The following PKHD1 variants were observed in gnomAD, a reference collection of about 807,000 sequenced individuals.
PKHD1 encodes the protein PKHD1 ciliary IPT domain containing fibrocystin/polyductin, also known as fibrocystin.
In PKHD1, 291 loss-of-function variants were observed where a neutral mutation model predicts 412.0. The ratio of observed to expected loss-of-function variants is 0.71; its 90% CI spans 0.64 to 0.78. The LOEUF (loss-of-function observed/expected upper bound fraction) is 0.78. PKHD1 is among the 30% of genes least tolerant of loss of function. PKHD1 has a pLI of 0.00. For synonymous variants in PKHD1, 1,777 were observed against 1,821.5 expected, an observed-to-expected ratio of 0.98 and a Z score of 0.62; for missense variants, 4,825 against 4,950.7, an observed-to-expected ratio of 0.97 and a Z score of 0.76.
At chr6:52,081,950 A>C (rs1288128415) in intron 4 of PKHD1, among the ~76,000 whole-genome samples, 1 of 152,226 alleles carries the variant, frequency 6.6e-6, no homozygotes, top group Non-Finnish European at 1.5e-5. Flanking sequence ...CTGGAGTCTT[A>C]TAAAAATATT....
chr6:51,626,558 C>T (rs1360008850), intron 66 of PKHD1, among the ~76,000 whole-genome samples: 3 of 152,170 alleles, frequency 2.0e-5, no homozygotes, highest in Non-Finnish European at 2.9e-5. Context: ...AACAACAAAG[C>T]ACAGCTTAAC....
At chr6:51,971,598 C>T in intron 35 of PKHD1, among the ~76,000 whole-genome samples, 1 of 152,168 alleles carries the variant, frequency 6.6e-6, no homozygotes, top group East Asian at 1.9e-4. Context: ...CCAATACTTA[C>T]TATCTAGGCT....
In PKHD1 at chr6:52,024,673, C is replaced by G; in HGVS notation, c.5137G>C (p.Glu1713Gln). 6.2e-7 allele frequency: 1 copy of G among 1,614,156 alleles called. No homozygotes were observed. Among genetic ancestry groups the G allele is most frequent in the Non-Finnish European group, 8.5e-7 (1 of 1,179,992 alleles). The change falls in exon 32 of 67, where the codon GAG becomes CAG. Residue 1713 changes from glutamate (E) to glutamine (Q), a missense_variant. Transcript: ENST00000371117. ...CAGTCATAGCCTCTGACGTGGTACT[C>G]CCCGGCCGGAAGGGAAGGGACCACG... ...QCVVPSLPAG[E>Q]YHVRGYDCIR...
chr6:51,863,093 T>G lies in PKHD1; in HGVS notation c.7733+4770A>C, dbSNP rs186079970. 1.8e-3 allele frequency among the ~76,000 whole-genome samples: 276 copies of G among 152,312 alleles called. 3 individuals carry two copies. The highest frequency in any genetic ancestry group is 6.0e-3 in the African/African-American group (248 of 41,578). On this transcript the variant is annotated intron_variant, in intron 48 of 66. Coordinates refer to ENST00000371117, the MANE Select transcript of PKHD1 (RefSeq NM_138694.4). ...TGACCCTGAGGGATAAATACCATTA[T>G]ACCCATTTTAGTGATGAAAGAACTG... is the stretch of plus-strand genomic sequence containing the variant.
At chr6:51,826,669 G>A (rs1767375833) in intron 52 of PKHD1, among the ~76,000 whole-genome samples, 1 of 152,118 alleles carries the variant, frequency 6.6e-6, no homozygotes, top group African/African-American at 2.4e-5. Context: ...CTTACTTGTT[G>A]AAGCAAAGTT....
intron 36 of PKHD1, among the ~76,000 whole-genome samples, chr6:51,947,422 CAGA>C (rs983235080): frequency 1.3e-5 from 2 of 152,180 alleles, no homozygotes; most frequent in African/African-American, 2.4e-5. Context: ...CATAAAAGAA[CAGA>C]AGAATAAACT....
chr6:51,702,339 C>T (rs1779546935), intron 60 of PKHD1, among the ~76,000 whole-genome samples: 1 of 151,168 alleles, frequency 6.6e-6, no homozygotes, highest in Non-Finnish European at 1.5e-5. Context: ...AATGGAAAGC[C>T]AAACATTGTA....
At chr6:51,667,874 C>A (rs1774115763) in intron 60 of PKHD1, among the ~76,000 whole-genome samples, 1 of 151,842 alleles carries the variant, frequency 6.6e-6, no homozygotes, top group African/African-American at 2.4e-5. Flanking sequence ...GGCGTTATTT[C>A]TGAGGGCTCT....
At chr6:51,925,547 T>C (rs1044026434) in intron 37 of PKHD1, among the ~76,000 whole-genome samples, 2 of 152,226 alleles carry the variant, frequency 1.3e-5, no homozygotes, top group African/African-American at 4.8e-5. Flanking sequence ...TTCCTTAATG[T>C]AGATGAGCCT....
At chr6:51,673,544 G>T (rs1288526357) in intron 60 of PKHD1, among the ~76,000 whole-genome samples, 1 of 152,186 alleles carries the variant, frequency 6.6e-6, no homozygotes, top group African/African-American at 2.4e-5. Context: ...TAGCAGTCAA[G>T]GTTTTGAATG....
At position 51,867,923 on chromosome 6, in the gene PKHD1, C is replaced by G. The variant is rs369677008; in HGVS notation, c.7673G>C (p.Arg2558Pro). The G allele has an allele frequency of 3.2e-5, 51 of 1,612,944 alleles. No individual in the cohort carries two copies. The highest frequency in any genetic ancestry group is 4.2e-5 in the Non-Finnish European group (50 of 1,179,214). Residue 2558 changes from arginine to proline, a missense_variant, in exon 48 of 67, where the codon CGG (arginine) becomes CCG (proline). Coordinates refer to ENST00000371117, the MANE Select transcript of PKHD1 (RefSeq NM_138694.4). ...TCCACAGGCACTGCCATGGACAACC[C>G]GACCAAAGCTTGAATTGACCAAACA... ...ASCLVNSSFG[R>P]VVHGSACGGG...
At position 52,026,103 on chromosome 6, in the gene PKHD1, G is replaced by A. The variant is rs542983527; in HGVS notation, c.3707C>T (p.Ser1236Phe). 1 of 1,614,150 alleles carries A rather than the reference G, an allele frequency of 6.2e-7. No individual in the cohort carries two copies. The highest frequency in any genetic ancestry group is 1.3e-5 in the African/African-American group (1 of 75,038). ...CTCCGTTAAGTTCACAATGTCACAG[G>A]ACCGATTGCCCACAAGTACCCAAAC... The part of the protein sequence containing the change: ...ALVWVLVGNR[S>F]CDIVNLTEAS... The change falls in exon 32 of 67, where the codon TCC becomes TTC. Residue 1236 changes from serine (S) to phenylalanine (F), a missense_variant. Coordinates refer to ENST00000371117, the MANE Select transcript of PKHD1 (RefSeq NM_138694.4).
intron 36 of PKHD1, among the ~76,000 whole-genome samples, chr6:51,945,487 C>T (rs764903597): frequency 3.3e-4 from 51 of 152,308 alleles, no homozygotes; most frequent in South Asian, 6.2e-4. Context: ...GAACACTTGA[C>T]GTCTACATCT....
At chr6:52,084,447 C>T (rs9296670) in intron 2 of PKHD1, among the ~76,000 whole-genome samples, 64,023 of 152,100 alleles carry the variant, frequency 0.42, 15,217 homozygotes, top group Admixed American at 0.57. Flanking sequence ...TGAGATAATA[C>T]AAGCAATCTA....
At chr6:52,076,431 T>C in intron 5 of PKHD1, 98 bp from the exon 6 acceptor site, 2 of 835,298 alleles carry the variant, frequency 2.4e-6, no homozygotes, top group Non-Finnish European at 4.2e-6. Context: ...TTGAAGGTAA[T>C]AAATGCTTAT....
chr6:51,949,388 A>C (rs887877180), intron 36 of PKHD1, among the ~76,000 whole-genome samples: 2 of 152,134 alleles, frequency 1.3e-5, no homozygotes, highest in African/African-American at 2.4e-5. Context: ...TGATCTGGGC[A>C]GAGTTGGAGT....
intron 4 of PKHD1, among the ~76,000 whole-genome samples, chr6:52,081,389 A>G (rs1300554900): frequency 6.6e-6 from 1 of 152,228 alleles, no homozygotes; most frequent in Non-Finnish European, 1.5e-5. Flanking sequence ...GATATTGCGC[A>G]ATGCATCATG....
At chr6:52,045,802 T>A (rs955669678) in intron 24 of PKHD1, among the ~76,000 whole-genome samples, 1 of 152,212 alleles carries the variant, frequency 6.6e-6, no homozygotes, top group Non-Finnish European at 1.5e-5. Flanking sequence ...GATGTTGGGT[T>A]TAAATTGCTT....
Position 52,074,938 on chromosome 6 carries a change from T to C in PKHD1, c.448+1338A>G, listed in dbSNP as rs559519340. Among the ~76,000 whole-genome samples the C allele has an allele frequency of 1.6e-4, 24 of 152,292 alleles. 1 individual carries two copies. Among genetic ancestry groups the C allele is most frequent in the African/African-American group, 4.3e-4 (18 of 41,566 alleles). Reference sequence around the variant, plus strand: ...GACACCGAGCAGAACTCCAACTTGGTGGAAGAAATGGGCTTGGCAGATCTG... The same window carrying C: ...GACACCGAGCAGAACTCCAACTTGGCGGAAGAAATGGGCTTGGCAGATCTG... On this transcript the variant is annotated intron_variant, in intron 6 of 66. Coordinates refer to ENST00000371117, the MANE Select transcript of PKHD1 (RefSeq NM_138694.4).
Sources: gnomAD v4.1 joint callset for allele counts (sites outside exome capture counted in the v4.1 genomes callset) on GRCh38, gnomAD v4.1.1 for gene constraint, MANE v1.5 for transcripts, NCBI Gene and HGNC (gene_info 2026-07-23, HGNC 2026-07-21) for gene names.